MTHFD2L: variants seen among roughly 807,000 people sequenced by gnomAD.
The protein encoded by MTHFD2L is methylenetetrahydrofolate dehydrogenase (NADP+ dependent) 2 like.
MTHFD2L carries 29 observed loss-of-function variants against 34.9 expected under a neutral mutation model. The ratio of observed to expected loss-of-function variants is 0.83; its 90% confidence interval spans 0.62 to 1.13. MTHFD2L has a LOEUF of 1.13. MTHFD2L is among the 50% of genes most tolerant of loss of function. The pLI, the probability that MTHFD2L is intolerant of heterozygous loss-of-function variation, is 0.00. For synonymous variants in MTHFD2L, 167 were observed against 155.7 expected (o/e 1.07, Z -0.54); for missense variants, 481 against 446.5 (o/e 1.08, Z -0.70).
intron 5 of MTHFD2L, among the ~76,000 whole-genome samples, chr4:74,206,134 TAAA>T (rs77020635): frequency 1.4e-4 from 18 of 126,436 alleles, no homozygotes; most frequent in Non-Finnish European, 2.1e-4. Flanking sequence ...CCAAAACTAG[TAAA>T]AAAAAAAAAA....
intron 5 of MTHFD2L, among the ~76,000 whole-genome samples, chr4:74,217,615 C>T (rs1737417369): frequency 6.6e-6 from 1 of 151,668 alleles, no homozygotes; most frequent in Non-Finnish European, 1.5e-5. Flanking sequence ...ATGTGAGGTT[C>T]TAGCTCAGAT....
intron 6 of MTHFD2L, chr4:74,268,329 T>G: frequency 1.2e-6 from 1 of 847,850 alleles, no homozygotes; most frequent in Non-Finnish European, 1.4e-6. Flanking sequence ...ATTATCTTTA[T>G]TTATGTAGTA....
intron 7 of MTHFD2L, among the ~76,000 whole-genome samples, chr4:74,288,829 T>C (rs1260759205): frequency 6.6e-6 from 1 of 152,208 alleles, no homozygotes; most frequent in Admixed American, 6.5e-5. Context: ...CTAACTAAAC[T>C]GTTTATTATT....
At chr4:74,165,465 C>G (rs1037354957) in intron 1 of MTHFD2L, among the ~76,000 whole-genome samples, 1 of 152,162 alleles carries the variant, frequency 6.6e-6, no homozygotes, top group African/African-American at 2.4e-5. Context: ...TCAAGTGATT[C>G]TCCTGCCTCA....
intron 5 of MTHFD2L, among the ~76,000 whole-genome samples, chr4:74,215,390 G>T (rs1204729059): frequency 6.6e-6 from 1 of 151,770 alleles, no homozygotes; most frequent in African/African-American, 2.4e-5. Flanking sequence ...GTAGTATCTG[G>T]GCTGGAATGC....
At chr4:74,259,157 A>T (rs1346378704) in intron 6 of MTHFD2L, among the ~76,000 whole-genome samples, 1 of 152,122 alleles carries the variant, frequency 6.6e-6, no homozygotes, top group Non-Finnish European at 1.5e-5. Context: ...TCTCTCTCAG[A>T]TCCCAGTCTG....
intron 1 of MTHFD2L, among the ~76,000 whole-genome samples, chr4:74,171,384 T>C (rs999666958): frequency 1.3e-5 from 2 of 152,196 alleles, no homozygotes; most frequent in Non-Finnish European, 2.9e-5. Context: ...AGAACTCATA[T>C]AGTGTTTGAA....
chr4:74,240,066 C>T (rs1741472540), intron 6 of MTHFD2L, among the ~76,000 whole-genome samples: 2 of 152,098 alleles, frequency 1.3e-5, no homozygotes, highest in Non-Finnish European at 2.9e-5. Context: ...TAAGATACCA[C>T]CCCCAAATTT....
intron 6 of MTHFD2L, among the ~76,000 whole-genome samples, chr4:74,246,319 G>A (rs1742441455): frequency 6.6e-6 from 1 of 151,720 alleles, no homozygotes; most frequent in African/African-American, 2.4e-5. Context: ...ACTTTTTGAT[G>A]GGGTTGTTTG....
intron 3 of MTHFD2L, among the ~76,000 whole-genome samples, chr4:74,180,041 T>A (rs1191426326): frequency 6.6e-6 from 1 of 152,118 alleles, no homozygotes; most frequent in Non-Finnish European, 1.5e-5. Flanking sequence ...ACTGTTCCCT[T>A]TTGCACTCCA....
intron 6 of MTHFD2L, chr4:74,268,205 T>A: frequency 2.0e-6 from 2 of 982,728 alleles, no homozygotes; most frequent in Non-Finnish European, 2.4e-6. Context: ...ATGTAGGCTC[T>A]ATTTATCTAG....
At chr4:74,296,417 T>C (rs1749645644) in intron 7 of MTHFD2L, among the ~76,000 whole-genome samples, 1 of 152,112 alleles carries the variant, frequency 6.6e-6, no homozygotes. Context: ...GTACATCCCC[T>C]TTGCAGGGTG....
At chr4:74,252,122 C>T (rs1168742438) in intron 6 of MTHFD2L, among the ~76,000 whole-genome samples, 4 of 152,262 alleles carry the variant, frequency 2.6e-5, no homozygotes, top group African/African-American at 9.6e-5. Flanking sequence ...TTTCTCTACT[C>T]TTGGCTACTT....
At chr4:74,294,420 T>C (rs1043652400) in intron 7 of MTHFD2L, among the ~76,000 whole-genome samples, 1 of 152,070 alleles carries the variant, frequency 6.6e-6, no homozygotes, top group South Asian at 2.1e-4. Context: ...GAACATAAAG[T>C]TTCCAAATGA....
intron 5 of MTHFD2L, among the ~76,000 whole-genome samples, chr4:74,216,147 G>A (rs1397285668): frequency 6.6e-6 from 1 of 151,240 alleles, no homozygotes; most frequent in African/African-American, 2.4e-5. Context: ...TTAACAAAAG[G>A]GCCACATTTT....
At chr4:74,161,646 C>A (rs1471670896) in intron 1 of MTHFD2L, 1 of 152,150 alleles carries the variant, frequency 6.6e-6, no homozygotes, top group Admixed American at 6.5e-5. Flanking sequence ...TGGATCAGTA[C>A]ATGAAAAAGA....
At chr4:74,140,338 G>A (rs1723201544) in intron 1 of MTHFD2L, 1 of 166,426 alleles carries the variant, frequency 6.0e-6, no homozygotes, top group Non-Finnish European at 1.2e-5. Flanking sequence ...AAAAAATGAA[G>A]TAATCTATGT....
At chr4:74,294,139 T>A (rs2110318652) in intron 7 of MTHFD2L, among the ~76,000 whole-genome samples, 1 of 152,260 alleles carries the variant, frequency 6.6e-6, no homozygotes, top group South Asian at 2.1e-4. Flanking sequence ...TATAGGAACG[T>A]GAGACATCAG....
rs78970930 is a variant in MTHFD2L, at chr4:74,222,180, C to T, written c.713-3122C>T. 1.2e-3 allele frequency among the ~76,000 whole-genome samples: 186 copies of T among 152,070 alleles called. 1 individual carries two copies. In the East Asian group the frequency reaches 0.028, roughly 23 times the overall value. On this transcript the variant is annotated intron_variant, in intron 5 of 7. Coordinates refer to ENST00000325278, the MANE Select transcript of MTHFD2L (RefSeq NM_001144978.3). ...TTTCTCATTCTAATTTTGGTAGTTG[C>T]GTTATTTCTGCATAGTAAAAGCAAA...
Sources: allele counts gnomAD v4.1 joint callset (sites outside exome capture counted in the v4.1 genomes callset), GRCh38; gene constraint gnomAD v4.1.1; transcripts MANE v1.5; gene names NCBI Gene and HGNC (gene_info 2026-07-23, HGNC 2026-07-21).